The following RPS6KC1 variants were observed in gnomAD, a reference collection of about 807,000 sequenced individuals.
RPS6KC1 encodes the protein inactive ribosomal protein S6 kinase delta-1.
A neutral mutation model predicts 103.8 loss-of-function variants in RPS6KC1; 54 were observed. The ratio of observed to expected loss-of-function variants is 0.52; its 90% confidence interval spans 0.42 to 0.65. The LOEUF is 0.65. Ranked by LOEUF, RPS6KC1 falls within the 30% of genes least tolerant of loss-of-function variation. RPS6KC1 has a pLI of 0.00. For synonymous variants in RPS6KC1, 439 were observed against 438.7 expected, an observed-to-expected ratio of 1.00 and a Z score of -0.01; for missense variants, 1,151 against 1,253.8, an observed-to-expected ratio of 0.92 and a Z score of 1.24.
At chr1:213,172,969 C>T (rs74139151) in intron 7 of RPS6KC1, among the ~76,000 whole-genome samples, 4,415 of 152,266 alleles carry the variant, frequency 0.029, 210 homozygotes, top group African/African-American at 0.099. Flanking sequence ...CTTCATAGCG[C>T]AATGGGCCAA....
At chr1:213,815,607 A>G in the RPS6KC1 span, among the ~76,000 whole-genome samples, 1 of 152,222 alleles carries the variant, frequency 6.6e-6, no homozygotes, top group African/African-American at 2.4e-5. Flanking sequence ...ACTGCAATAA[A>G]GCAAATGTCA....
chr1:213,092,875 G>T (rs1334022304), intron 3 of RPS6KC1, among the ~76,000 whole-genome samples: 2 of 152,072 alleles, frequency 1.3e-5, no homozygotes, highest in Non-Finnish European at 2.9e-5. Context: ...TTGTTGCATT[G>T]CACTTTCTGT....
the RPS6KC1 span, among the ~76,000 whole-genome samples, chr1:213,304,312 G>A: frequency 6.6e-6 from 1 of 151,140 alleles, no homozygotes; most frequent in Non-Finnish European, 1.5e-5. Flanking sequence ...CATTACAAAT[G>A]TATTTTACTT....
the RPS6KC1 span, among the ~76,000 whole-genome samples, chr1:213,823,965 CAGT>C: frequency 0.036 from 5,538 of 152,130 alleles, 171 homozygotes; most frequent in South Asian, 0.099. Context: ...TTTACACAGC[CAGT>C]AAGAGAACAG....
the RPS6KC1 span, among the ~76,000 whole-genome samples, chr1:213,337,627 A>G: frequency 6.6e-6 from 1 of 152,112 alleles, no homozygotes; most frequent in African/African-American, 2.4e-5. Context: ...TCTCATGGTC[A>G]CTGTGGTTAT....
At chr1:213,672,803 C>A in the RPS6KC1 span, among the ~76,000 whole-genome samples, 1 of 152,186 alleles carries the variant, frequency 6.6e-6, no homozygotes, top group African/African-American at 2.4e-5. Context: ...GACCATTCAG[C>A]ATATCCAATA....
the RPS6KC1 span, among the ~76,000 whole-genome samples, chr1:213,604,371 G>A: frequency 1.3e-5 from 2 of 152,208 alleles, no homozygotes; most frequent in African/African-American, 4.8e-5. Flanking sequence ...GTGCAGTTTT[G>A]CCATCACGTA....
chr1:213,391,409 T>C, the RPS6KC1 span, among the ~76,000 whole-genome samples: 5 of 151,960 alleles, frequency 3.3e-5, no homozygotes, highest in Admixed American at 6.6e-5. Context: ...CCCTGACAAG[T>C]AAACTAAACA....
At chr1:213,599,179 T>G in the RPS6KC1 span, among the ~76,000 whole-genome samples, 1 of 152,228 alleles carries the variant, frequency 6.6e-6, no homozygotes, top group Non-Finnish European at 1.5e-5. Flanking sequence ...TTTGGACGTT[T>G]ACAATTGCTG....
chr1:213,767,471 AC>A, the RPS6KC1 span, among the ~76,000 whole-genome samples: 1 of 152,080 alleles, frequency 6.6e-6, no homozygotes. Context: ...AAGCCTGCAA[AC>A]CCAGGTCAAG....
chr1:213,589,977 G>GTGTGTGTGTT, the RPS6KC1 span, among the ~76,000 whole-genome samples: 1 of 150,530 alleles, frequency 6.6e-6, no homozygotes, highest in Non-Finnish European at 1.5e-5. Context: ...GTGTGTGTGT[G>GTGTGTGTGTT]TGTGTCTGGA....
the RPS6KC1 span, among the ~76,000 whole-genome samples, chr1:213,500,407 C>A: frequency 6.6e-6 from 1 of 152,152 alleles, no homozygotes. Context: ...TCCCAAGGAC[C>A]TGCCTGAGGC....
At chr1:213,669,862 C>T in the RPS6KC1 span, among the ~76,000 whole-genome samples, 6 of 151,976 alleles carry the variant, frequency 3.9e-5, 1 homozygote, top group Admixed American at 1.3e-4. Context: ...TACTGTGTTG[C>T]TTTGGAGTCT....
the RPS6KC1 span, among the ~76,000 whole-genome samples, chr1:213,808,737 G>A: frequency 6.6e-6 from 1 of 152,236 alleles, no homozygotes; most frequent in East Asian, 1.9e-4. Context: ...CTTCCCGAGT[G>A]AGGCAATGCC....
At chr1:213,583,702 C>T in the RPS6KC1 span, among the ~76,000 whole-genome samples, 1 of 151,190 alleles carries the variant, frequency 6.6e-6, no homozygotes, top group Non-Finnish European at 1.5e-5. Flanking sequence ...GTGCCTGTAA[C>T]CCCAGCTATT....
chr1:213,193,931 G>A (rs970697607), intron 8 of RPS6KC1, among the ~76,000 whole-genome samples: 5 of 152,040 alleles, frequency 3.3e-5, no homozygotes, highest in Non-Finnish European at 7.4e-5. Flanking sequence ...CCCAGCCTAC[G>A]GTTATTATTG....
the RPS6KC1 span, among the ~76,000 whole-genome samples, chr1:213,703,220 A>G: frequency 6.6e-6 from 1 of 152,188 alleles, no homozygotes; most frequent in East Asian, 1.9e-4. Flanking sequence ...AAGTGAAAAG[A>G]AAACTAATAA....
Position 213,129,722 on chromosome 1 carries a change from G to T in RPS6KC1, c.668G>T (p.Arg223Leu), listed in dbSNP as rs765284722. 1 of 1,614,068 alleles carries T rather than the reference G, an allele frequency of 6.2e-7. No individual in the cohort carries two copies. Among genetic ancestry groups the T allele is most frequent in the Non-Finnish European group, 8.5e-7 (1 of 1,179,978 alleles). Residue 223 changes from arginine to leucine, a missense_variant, in exon 6 of 15, where the codon CGT becomes CTT. Transcript: ENST00000366960. The stretch of plus-strand genomic sequence containing the variant: ...AAAACAGAAGAAGAACGGGAAAGTC[G>T]TAGCCTCTTTCCTGGCAGTTTAAAG... The part of the protein sequence containing the change: ...QSKTEEERES[R>L]SLFPGSLKPK...
chr1:213,495,417 G>A, the RPS6KC1 span, among the ~76,000 whole-genome samples: 1 of 152,138 alleles, frequency 6.6e-6, no homozygotes, highest in Admixed American at 6.5e-5. Context: ...TGCCTCCCGG[G>A]TTCAAGCGAT....
Sources: gnomAD v4.1 joint callset for allele counts (sites outside exome capture counted in the v4.1 genomes callset) on GRCh38, gnomAD v4.1.1 for gene constraint, MANE v1.5 for transcripts, NCBI Gene and HGNC (gene_info 2026-07-23, HGNC 2026-07-21) for gene names.